BBS7: variants seen among roughly 807,000 people sequenced by gnomAD.
The protein encoded by BBS7 is BBSome complex member BBS7.
In BBS7, 50 loss-of-function variants were observed where a neutral mutation model predicts 90.3. The observed-to-expected ratio is 0.55, with a 90% CI of 0.44 to 0.70. The LOEUF is 0.70. Ranked by LOEUF, BBS7 falls within the 30% of genes least tolerant of loss-of-function variation. The pLI is 0.00. For missense variants in BBS7, 729 were observed against 838.9 expected, an observed-to-expected ratio of 0.87 and a Z score of 1.62; for synonymous variants, 235 against 287.4, an observed-to-expected ratio of 0.82 and a Z score of 1.85.
chr4:121,844,001 T>C lies in BBS7; in HGVS notation c.1231A>G (p.Ser411Gly). 1.3e-6 allele frequency: 2 copies of C among 1,574,484 alleles called. No individual in the cohort carries two copies. Among genetic ancestry groups the C allele is most frequent in the South Asian group, 1.1e-5 (1 of 87,098 alleles). The change falls in exon 12 of 19, where the codon AGT becomes GGT. Residue 411 changes from serine to glycine, a missense_variant and splice_region_variant. Coordinates refer to ENST00000264499, the MANE Select transcript of BBS7 (RefSeq NM_176824.3). ...TCAAGTAAATCTATTGGAACATCAC[T>C]CTATAGTCAATATTAAAAAAAAAGA... ...QTAIDNVLIQ[S>G]DVPIDLLDVD...
Position 121,845,586 on chromosome 4 carries a change from T to C in BBS7, c.1148A>G (p.Asp383Gly). 1 of 1,612,618 alleles carries C rather than the reference T, an allele frequency of 6.2e-7. No homozygotes were observed. Among genetic ancestry groups the C allele is most frequent in the Non-Finnish European group, 8.5e-7 (1 of 1,178,924 alleles). ...ATCATCTTTATTTAGTGTAAATTTATCATTTATACCAAAGGAAGGTACTGC... is the reference window on the plus strand; with the variant it reads ...ATCATCTTTATTTAGTGTAAATTTACCATTTATACCAAAGGAAGGTACTGC... ...KSAVPSFGIN[D>G]KFTLNKDDAS... Residue 383 changes from aspartate (D) to glycine (G), a missense_variant, in exon 11 of 19, where the codon GAT (aspartate) becomes GGT (glycine). Physicochemically the swap from Asp to Gly is moderately conservative, Grantham distance 94 (BLOSUM62 -1). Coordinates refer to ENST00000264499, the MANE Select transcript of BBS7 (RefSeq NM_176824.3).
chr4:121,829,250 T>C (rs1423327575), intron 15 of BBS7, among the ~76,000 whole-genome samples: 1 of 151,736 alleles, frequency 6.6e-6, no homozygotes, highest in Non-Finnish European at 1.5e-5. Flanking sequence ...TTTTTTTTTT[T>C]TTTGAGACGG....
In BBS7 at chr4:121,839,657, C is replaced by T. The variant is rs1578537427; in HGVS notation, c.1345G>A (p.Ala449Thr). Residue 449 changes from alanine to threonine, a missense_variant, in exon 13 of 19, where the codon GCA becomes ACA. Ala to Thr is a moderately conservative substitution (Grantham distance 58). Transcript: ENST00000264499. ...NFLLATYRCQADTTRLELKIR... is the reference protein window; with the variant it reads ...NFLLATYRCQTDTTRLELKIR... ...TTGAGTTCCAGCCTTGTAGTATCTG[C>T]CTGGCACCGATAAGTGGCAAGAAGG... The T allele has an allele frequency of 6.2e-7, 1 of 1,613,770 alleles. No homozygotes were observed. The highest frequency in any genetic ancestry group is 8.5e-7 in the Non-Finnish European group (1 of 1,179,776).
At chr4:121,848,071 A>G (rs1726111514) in intron 9 of BBS7, among the ~76,000 whole-genome samples, 1 of 152,186 alleles carries the variant, frequency 6.6e-6, no homozygotes, top group South Asian at 2.1e-4. Context: ...GTGACATGCT[A>G]AACACTCTTA....
At chr4:121,852,738 G>C (rs543980122) in intron 8 of BBS7, among the ~76,000 whole-genome samples, 79 of 152,026 alleles carry the variant, frequency 5.2e-4, no homozygotes, top group African/African-American at 1.8e-3. Context: ...ATATTTTAAA[G>C]TATAATGAAA....
At position 121,839,707 on chromosome 4, in the gene BBS7, T is replaced by G. The variant is rs902917282; in HGVS notation, c.1306-11A>C. ...GAAGTTGTCGTTTGACTGGGAAGAA[T>G]ACAAAGTGGAGGAAAAGAATGAATC... On this transcript the variant is annotated splice_polypyrimidine_tract_variant and intron_variant, in intron 12 of 18. Coordinates refer to ENST00000264499, the MANE Select transcript of BBS7 (RefSeq NM_176824.3). 5.6e-6 allele frequency: 9 copies of G among 1,610,042 alleles called. No individual in the cohort carries two copies. The highest frequency in any genetic ancestry group is 6.8e-6 in the Non-Finnish European group (8 of 1,176,622).
At chr4:121,852,799 G>A (rs1230817784) in intron 8 of BBS7, among the ~76,000 whole-genome samples, 157 bp downstream of exon 8, 2 of 152,048 alleles carry the variant, frequency 1.3e-5, no homozygotes, top group African/African-American at 4.8e-5. Flanking sequence ...TCAAACACAA[G>A]AGAAGTCTAG....
At chr4:121,842,712 A>G (rs1406493540) in intron 12 of BBS7, among the ~76,000 whole-genome samples, 1 of 152,112 alleles carries the variant, frequency 6.6e-6, no homozygotes, top group Non-Finnish European at 1.5e-5. Flanking sequence ...AAATAAAATA[A>G]AATATATATT....
At chr4:121,868,330 G>A (rs1362036937) in intron 1 of BBS7, among the ~76,000 whole-genome samples, 1 of 152,100 alleles carries the variant, frequency 6.6e-6, no homozygotes, top group African/African-American at 2.4e-5. Context: ...TTTTCCAACT[G>A]CATACAGTTG....
intron 11 of BBS7, among the ~76,000 whole-genome samples, chr4:121,844,949 T>C (rs1415328505): frequency 3.9e-5 from 6 of 152,214 alleles, no homozygotes; most frequent in African/African-American, 1.4e-4. Flanking sequence ...CTTTTCTAAC[T>C]CTTCTTAAAA....
intron 2 of BBS7, among the ~76,000 whole-genome samples, chr4:121,864,799 T>C (rs1304069681): frequency 6.6e-6 from 1 of 152,188 alleles, no homozygotes; most frequent in Non-Finnish European, 1.5e-5. Flanking sequence ...TTGTACATAT[T>C]CGTGGGGTAC....
At position 121,861,555 on chromosome 4, in the gene BBS7, C is replaced by T. The variant is rs1226190524; in HGVS notation, c.290G>A (p.Gly97Glu). The change falls in exon 4 of 19, where the codon GGA becomes GAA. Residue 97 changes from glycine to glutamate, a missense_variant. Gly to Glu is a moderately conservative substitution (Grantham distance 98). Transcript: ENST00000264499. The stretch of plus-strand genomic sequence containing the variant: ...TGTTTCAAAGGAGAGGAACTGTTTT[C>T]CTCTTTTTGTGAAGCCTCTAATCTC... The part of the protein sequence containing the change: ...ASEIRGFTKR[G>E]KQFLSFETNL... The T allele has an allele frequency of 6.2e-7, 1 of 1,613,502 alleles. No homozygotes were observed. The highest frequency in any genetic ancestry group is 1.3e-5 in the African/African-American group (1 of 74,842).
intron 12 of BBS7, 38 bp downstream of exon 12, chr4:121,843,889 T>C (rs1725864477): frequency 7.5e-7 from 1 of 1,341,622 alleles, no homozygotes; most frequent in Non-Finnish European, 1.1e-6. Context: ...ATAATAGAAA[T>C]GAAAGCATGT....
chr4:121,858,613 A>G (rs1726809075), intron 5 of BBS7: 1 of 217,106 alleles, frequency 4.6e-6, no homozygotes, highest in South Asian at 7.1e-5. Context: ...CAAGTTATAT[A>G]ACATCCTCCC....
At chr4:121,865,470 C>T (rs1443569942) in intron 2 of BBS7, among the ~76,000 whole-genome samples, 3 of 152,154 alleles carry the variant, frequency 2.0e-5, no homozygotes, top group Non-Finnish European at 4.4e-5. Context: ...AACTGCTGAC[C>T]TCAGGTGATC....
intron 2 of BBS7, among the ~76,000 whole-genome samples, chr4:121,867,316 T>C (rs377232356): frequency 5.9e-5 from 9 of 152,310 alleles, no homozygotes; most frequent in African/African-American, 1.9e-4. Context: ...TAAGAGTTTT[T>C]TGGTAGAGTC....
rs901439488 is a variant in BBS7, at chr4:121,861,627, C to T, written c.218G>A (p.Gly73Glu). 1.9e-6 allele frequency: 3 copies of T among 1,613,284 alleles called. No homozygotes were observed. The Admixed American group carries it at 5.0e-5, about 27-fold the overall frequency. ...GPKIARLELGGVINTPQEKIF... is the reference protein window; with the variant it reads ...GPKIARLELGEVINTPQEKIF... ...TTTCTCCTGAGGTGTGTTGATAACC[C>T]CTCCCAGTTCCAGCCTTGCAATCTT... is the stretch of plus-strand genomic sequence containing the variant. Residue 73 changes from glycine (G) to glutamate (E), a missense_variant, in exon 4 of 19, where the codon GGG becomes GAG. Physicochemically the swap from Gly to Glu is moderately conservative, Grantham distance 98 (BLOSUM62 -2). Coordinates refer to ENST00000264499, the MANE Select transcript of BBS7 (RefSeq NM_176824.3).
At chr4:121,848,983 A>G (rs2149072701) in intron 8 of BBS7, 55 bp from the exon 9 acceptor site, 1 of 1,343,808 alleles carries the variant, frequency 7.4e-7, no homozygotes, top group South Asian at 1.2e-5. Flanking sequence ...CCACAGATAT[A>G]TTAAAATAAG....
chr4:121,828,852 A>C, intron 15 of BBS7, 124 bp from the exon 16 acceptor site: 1 of 564,988 alleles, frequency 1.8e-6, no homozygotes, highest in Non-Finnish European at 3.0e-6. Context: ...CTGTATACAT[A>C]TATCATTAAT....
Sources: gnomAD v4.1 joint callset for allele counts (sites outside exome capture counted in the v4.1 genomes callset) on GRCh38, gnomAD v4.1.1 for gene constraint, MANE v1.5 for transcripts, NCBI Gene and HGNC (gene_info 2026-07-23, HGNC 2026-07-21) for gene names.